The following ANKFN1 variants were observed in gnomAD, a reference collection of about 807,000 sequenced individuals.
ANKFN1 encodes the protein ankyrin repeat and fibronectin type-III domain-containing protein 1.
ANKFN1 carries 74 observed loss-of-function variants against 108.7 expected under a neutral mutation model. That is an observed-to-expected ratio of 0.68 (90% CI 0.56 to 0.83). The LOEUF (loss-of-function observed/expected upper bound fraction) is 0.83. Ranked by LOEUF, ANKFN1 falls within the 40% of genes least tolerant of loss-of-function variation. The pLI is 0.00. For missense variants in ANKFN1, 1,505 were observed against 1,382.3 expected, an observed-to-expected ratio of 1.09 and a Z score of -1.41; for synonymous variants, 547 against 516.2, an observed-to-expected ratio of 1.06 and a Z score of -0.81.
intron 4 of ANKFN1, among the ~76,000 whole-genome samples, chr17:56,082,409 A>AT (rs1349483037): frequency 4.7e-5 from 7 of 149,352 alleles, no homozygotes; most frequent in Non-Finnish European, 8.9e-5. Flanking sequence ...AACCTGCTGC[A>AT]TTTTTTTCCT....
At chr17:56,440,045 T>A (rs1395337589) in intron 8 of ANKFN1, among the ~76,000 whole-genome samples, 2 of 152,108 alleles carry the variant, frequency 1.3e-5, no homozygotes, top group Admixed American at 6.6e-5. Context: ...GAACATCACA[T>A]AAATGTGCAT....
chr17:56,064,885 G>T (rs978995413), intron 4 of ANKFN1, among the ~76,000 whole-genome samples: 2 of 152,186 alleles, frequency 1.3e-5, no homozygotes, highest in Non-Finnish European at 2.9e-5. Flanking sequence ...CAATCTGTGG[G>T]TCGCACAATT....
chr17:56,447,380 C>T (rs2049334113), intron 10 of ANKFN1, among the ~76,000 whole-genome samples: 1 of 152,204 alleles, frequency 6.6e-6, no homozygotes, highest in Non-Finnish European at 1.5e-5. Context: ...AATTAAGCCA[C>T]ACCACACAAA....
intron 14 of ANKFN1, among the ~76,000 whole-genome samples, chr17:56,464,506 A>G (rs1261586509): frequency 6.6e-6 from 1 of 152,214 alleles, no homozygotes; most frequent in Non-Finnish European, 1.5e-5. Context: ...AAAGCCAGAG[A>G]CATGCTAAGA....
At chr17:56,057,101 AAAC>A (rs1475852093) in intron 4 of ANKFN1, among the ~76,000 whole-genome samples, 3 of 152,232 alleles carry the variant, frequency 2.0e-5, no homozygotes, top group Non-Finnish European at 4.4e-5. Flanking sequence ...CATGCATAAG[AAAC>A]AACTCCTCAT....
At chr17:56,047,084 C>G (rs1433401384) in intron 4 of ANKFN1, among the ~76,000 whole-genome samples, 4 of 152,128 alleles carry the variant, frequency 2.6e-5, no homozygotes, top group Non-Finnish European at 5.9e-5. Flanking sequence ...CTGTAAAGCA[C>G]TTTTGCAGTG....
chr17:56,171,504 G>T (rs1910695105), intron 1 of ANKFN1, among the ~76,000 whole-genome samples: 1 of 152,152 alleles, frequency 6.6e-6, no homozygotes, highest in African/African-American at 2.4e-5. Flanking sequence ...AAGTTGTGTT[G>T]TTTATCCCCA....
chr17:56,346,125 G>A (rs762859388), intron 4 of ANKFN1, among the ~76,000 whole-genome samples: 1 of 152,058 alleles, frequency 6.6e-6, no homozygotes. Flanking sequence ...AGTTTTCCCA[G>A]CACTATTTAT....
At chr17:56,365,515 A>G (rs535861877) in intron 6 of ANKFN1, among the ~76,000 whole-genome samples, 1 of 152,328 alleles carries the variant, frequency 6.6e-6, no homozygotes, top group Admixed American at 6.5e-5. Context: ...TGGGCTCAAT[A>G]TAGCAGAGTA....
intron 3 of ANKFN1, among the ~76,000 whole-genome samples, chr17:56,283,225 A>G (rs1567884290): frequency 6.6e-6 from 1 of 151,976 alleles, no homozygotes; most frequent in Non-Finnish European, 1.5e-5. Flanking sequence ...TCCTCCCTCA[A>G]TTCACTTAGT....
intron 19 of ANKFN1, among the ~76,000 whole-genome samples, chr17:56,497,300 T>G (rs1476041964): frequency 6.6e-6 from 1 of 152,132 alleles, no homozygotes; most frequent in Non-Finnish European, 1.5e-5. Context: ...CTGCTGAACT[T>G]CCTGCCCAAC....
chr17:56,446,432 G>T (rs1004694706), intron 10 of ANKFN1, among the ~76,000 whole-genome samples: 1 of 152,126 alleles, frequency 6.6e-6, no homozygotes, highest in Non-Finnish European at 1.5e-5. Flanking sequence ...CCCAATTCTG[G>T]GGGTGCTAAA....
intron 4 of ANKFN1, among the ~76,000 whole-genome samples, chr17:56,139,698 C>T (rs1907806368): frequency 1.3e-5 from 2 of 152,176 alleles, no homozygotes; most frequent in Admixed American, 1.3e-4. Flanking sequence ...ATAGAGGCTG[C>T]TCAGAAGTCA....
chr17:56,133,190 A>G (rs9909221), intron 4 of ANKFN1, among the ~76,000 whole-genome samples: 89,690 of 151,996 alleles, frequency 0.59, 27,019 homozygotes, highest in East Asian at 0.81. Context: ...TTAGGTGTAT[A>G]TATCCTTGAG....
At chr17:56,321,717 A>G (rs1401717111) in intron 3 of ANKFN1, among the ~76,000 whole-genome samples, 2 of 152,198 alleles carry the variant, frequency 1.3e-5, no homozygotes, top group Non-Finnish European at 2.9e-5. Context: ...TCTATACATC[A>G]TATGTCACAA....
rs1461192422 is a variant in ANKFN1 at position 56,466,395 on chromosome 17, G to A, written c.1597G>A (p.Glu533Lys). 5.0e-6 allele frequency: 8 copies of A among 1,614,116 alleles called. No individual in the cohort carries two copies. Among genetic ancestry groups the A allele is most frequent in the Admixed American group, 3.3e-5 (2 of 60,024 alleles). Residue 533 changes from glutamate (E) to lysine (K), a missense_variant, in exon 15 of 21, where the codon GAG (glutamate) becomes AAG (lysine). Physicochemically the swap from Glu to Lys is moderately conservative, Grantham distance 56. Coordinates refer to ENST00000682825, the MANE Select transcript of ANKFN1 (RefSeq NM_001370326.1). ...GTHNLGRVYY[E>K]PIKDRHGNIL... ...ACACAACTTGGGAAGAGTTTACTAT[G>A]AGCCCATTAAAGATCGACATGGAAA...
intron 3 of ANKFN1, among the ~76,000 whole-genome samples, chr17:56,319,879 C>T (rs929621394): frequency 3.3e-5 from 5 of 152,052 alleles, no homozygotes; most frequent in African/African-American, 9.7e-5. Flanking sequence ...AATTATGTTA[C>T]ATTAATGTAA....
intron 3 of ANKFN1, among the ~76,000 whole-genome samples, chr17:56,299,514 AT>A (rs2044612371): frequency 6.6e-6 from 1 of 152,130 alleles, no homozygotes; most frequent in South Asian, 2.1e-4. Context: ...TCTTTATTAT[AT>A]TTACATTTGA....
At chr17:56,503,361 G>A (rs1180105544) in intron 20 of ANKFN1, among the ~76,000 whole-genome samples, 4 of 151,550 alleles carry the variant, frequency 2.6e-5, no homozygotes, top group Non-Finnish European at 5.9e-5. Context: ...TGGGATATCA[G>A]AAGGTGAACA....
Sources: gnomAD v4.1 joint callset for allele counts (sites outside exome capture counted in the v4.1 genomes callset) on GRCh38, gnomAD v4.1.1 for gene constraint, MANE v1.5 for transcripts, NCBI Gene and HGNC (gene_info 2026-07-23, HGNC 2026-07-21) for gene names.